SLC44A5: variants seen among roughly 807,000 people sequenced by gnomAD.
The protein encoded by SLC44A5 is solute carrier family 44 member 5.
In SLC44A5, 57 loss-of-function variants were observed where a neutral mutation model predicts 101.8. The observed-to-expected ratio is 0.56, with a 90% confidence interval of 0.45 to 0.70. The LOEUF (loss-of-function observed/expected upper bound fraction) is 0.70. Among genes scored for constraint, SLC44A5 ranks in the 30% least tolerant of loss-of-function variants. The pLI, the probability that SLC44A5 is intolerant of heterozygous loss-of-function variation, is 0.00. For missense variants in SLC44A5, 737 were observed against 853.1 expected (o/e 0.86, Z 1.70); for synonymous variants, 281 against 290.9 (o/e 0.97, Z 0.35).
intron 1 of SLC44A5, among the ~76,000 whole-genome samples, chr1:75,579,784 TA>T (rs1673577354): frequency 1.3e-5 from 2 of 151,730 alleles, no homozygotes; most frequent in South Asian, 4.2e-4. Context: ...GATTTTCCTT[TA>T]ACAAAGAGAG....
At chr1:75,222,820 A>G (rs1354941767) in intron 13 of SLC44A5, among the ~76,000 whole-genome samples, 6 of 152,172 alleles carry the variant, frequency 3.9e-5, no homozygotes, top group Admixed American at 3.9e-4. Flanking sequence ...AAGTAAGACA[A>G]TATACAGAAG....
At chr1:75,519,465 G>A (rs1670001765) in intron 2 of SLC44A5, among the ~76,000 whole-genome samples, 1 of 152,104 alleles carries the variant, frequency 6.6e-6, no homozygotes, top group Non-Finnish European at 1.5e-5. Flanking sequence ...GGCTGAGGCA[G>A]GAGAATTGCT....
At chr1:75,484,427 C>A (rs1668042815) in intron 2 of SLC44A5, among the ~76,000 whole-genome samples, 1 of 152,214 alleles carries the variant, frequency 6.6e-6, no homozygotes, top group Non-Finnish European at 1.5e-5. Flanking sequence ...TTCTTTGACT[C>A]CATGCCTCAT....
intron 3 of SLC44A5, among the ~76,000 whole-genome samples, chr1:75,395,599 T>A (rs1018971523): frequency 3.3e-5 from 5 of 152,102 alleles, no homozygotes; most frequent in African/African-American, 1.2e-4. Flanking sequence ...AGTCAATAAA[T>A]GGGTTTTGAG....
At chr1:75,346,690 A>T (rs1021594278) in intron 3 of SLC44A5, among the ~76,000 whole-genome samples, 1 of 152,160 alleles carries the variant, frequency 6.6e-6, no homozygotes, top group Non-Finnish European at 1.5e-5. Flanking sequence ...ACATGAATTG[A>T]GCTTGAAGGT....
intron 2 of SLC44A5, among the ~76,000 whole-genome samples, chr1:75,405,781 A>G (rs758937288): frequency 7.9e-5 from 12 of 151,364 alleles, no homozygotes; most frequent in Non-Finnish European, 1.5e-4. Context: ...GCACCCTAAC[A>G]TCACAATTAA....
chr1:75,496,557 G>A (rs1668681530), intron 2 of SLC44A5, among the ~76,000 whole-genome samples: 1 of 149,872 alleles, frequency 6.7e-6, no homozygotes, highest in Non-Finnish European at 1.5e-5. Context: ...TCTTGATGAA[G>A]ATTTTTTTTT....
At chr1:75,396,769 C>G (rs772172207) in intron 2 of SLC44A5, 148 bp from the exon 3 acceptor site, 5 of 617,310 alleles carry the variant, frequency 8.1e-6, no homozygotes, top group African/African-American at 1.8e-5. Flanking sequence ...TGAAGTAATT[C>G]TTTATACACA....
At chr1:75,268,656 A>G (rs1354329540) in intron 6 of SLC44A5, among the ~76,000 whole-genome samples, 2 of 152,140 alleles carry the variant, frequency 1.3e-5, no homozygotes, top group African/African-American at 4.8e-5. Flanking sequence ...TTTTTCTTGC[A>G]TATGTTTTCA....
rs1646852612 is a variant in SLC44A5 at position 75,211,515 on chromosome 1, A to C, written c.2000T>G (p.Phe667Cys). 1 of 1,612,812 alleles carries C rather than the reference A, an allele frequency of 6.2e-7. No homozygotes were observed. Among genetic ancestry groups the C allele is most frequent in the South Asian group, 1.1e-5 (1 of 91,058 alleles). ...AACACACATTGCATAGACGCTGAAGAACCCATGTGCAATCAGGTAAGACCC... is the reference window on the plus strand; with the variant it reads ...AACACACATTGCATAGACGCTGAAGCACCCATGTGCAATCAGGTAAGACCC... ...IFGSYLIAHGFFSVYAMCVET... is the reference protein window; with the variant it reads ...IFGSYLIAHGCFSVYAMCVET... Residue 667 changes from phenylalanine to cysteine, a missense_variant, in exon 23 of 24, where the codon TTC (phenylalanine) becomes TGC (cysteine). Phe to Cys is a radical substitution (Grantham distance 205). This residue lies in a region of SLC44A5 where 11 missense variants were observed against 32.2 expected (regional missense o/e 0.34). Coordinates refer to ENST00000370859, the MANE Select transcript of SLC44A5 (RefSeq NM_001130058.2).
rs74968072 is a variant in SLC44A5, at chr1:75,471,297, A to C, written c.13+70138T>G. On this transcript the variant is annotated intron_variant, in intron 2 of 23. Transcript: ENST00000370859. ...GGATGGGAATTTTCCTGCGAGATGGATTGCTGTTTCATTTGAAGCCTTCCT... is the reference window on the plus strand; with the variant it reads ...GGATGGGAATTTTCCTGCGAGATGGCTTGCTGTTTCATTTGAAGCCTTCCT... Among the ~76,000 whole-genome samples, 108 of 152,052 alleles carry C rather than the reference A, an allele frequency of 7.1e-4. 1 individual carries two copies. In the East Asian group the frequency reaches 0.019, roughly 27 times the overall value.
intron 2 of SLC44A5, among the ~76,000 whole-genome samples, chr1:75,440,336 A>C (rs1665125232): frequency 1.3e-5 from 2 of 152,146 alleles, no homozygotes; most frequent in Admixed American, 6.6e-5. Context: ...AAAGTTAAAA[A>C]GATAGTTATG....
intron 6 of SLC44A5, among the ~76,000 whole-genome samples, chr1:75,260,907 C>A (rs1650443515): frequency 6.6e-6 from 1 of 152,094 alleles, no homozygotes; most frequent in Non-Finnish European, 1.5e-5. Context: ...AAGTAGACAA[C>A]ATGCTCCTGA....
intron 2 of SLC44A5, among the ~76,000 whole-genome samples, chr1:75,482,330 T>A (rs990187628): frequency 6.6e-6 from 1 of 151,852 alleles, no homozygotes; most frequent in Non-Finnish European, 1.5e-5. Flanking sequence ...AAATGACGAG[T>A]TAATGGGTGT....
chr1:75,676,618 A>T, the SLC44A5 span, among the ~76,000 whole-genome samples: 2 of 152,234 alleles, frequency 1.3e-5, no homozygotes, highest in African/African-American at 2.4e-5. Context: ...AGATAGATTG[A>T]TAGGTGCAGC....
intron 4 of SLC44A5, among the ~76,000 whole-genome samples, chr1:75,332,406 T>G (rs1016756820): frequency 6.6e-6 from 1 of 152,186 alleles, no homozygotes; most frequent in Non-Finnish European, 1.5e-5. Flanking sequence ...TCACTTAAGA[T>G]CCTTTCTAGA....
the SLC44A5 span, among the ~76,000 whole-genome samples, chr1:75,692,912 G>T: frequency 2.2e-4 from 34 of 152,282 alleles, no homozygotes; most frequent in East Asian, 6.4e-3. Context: ...CAACAAGTTA[G>T]ATGTAAGTGT....
At chr1:75,448,818 A>C (rs1483598135) in intron 2 of SLC44A5, among the ~76,000 whole-genome samples, 7 of 152,148 alleles carry the variant, frequency 4.6e-5, no homozygotes, top group Non-Finnish European at 8.8e-5. Context: ...CTGAATAAAA[A>C]TTTTCAATTG....
the SLC44A5 span, among the ~76,000 whole-genome samples, chr1:75,616,326 C>G: frequency 1.3e-5 from 2 of 151,950 alleles, no homozygotes; most frequent in Non-Finnish European, 2.9e-5. Context: ...GCAGCCTCTA[C>G]TGGAAAGACA....
Sources: gnomAD v4.1 joint callset for allele counts (sites outside exome capture counted in the v4.1 genomes callset) on GRCh38, gnomAD v4.1.1 for gene constraint, gnomAD v4.1.1 regional missense constraint, MANE v1.5 for transcripts, NCBI Gene and HGNC (gene_info 2026-07-23, HGNC 2026-07-21) for gene names.